The following JAG2 variants were observed in gnomAD, a reference collection of about 807,000 sequenced individuals.
JAG2 encodes protein jagged-2.
In JAG2, 46 loss-of-function variants were observed where a neutral mutation model predicts 141.7. The observed-to-expected ratio is 0.32, with a 90% CI of 0.26 to 0.42. The LOEUF (loss-of-function observed/expected upper bound fraction) is 0.42, where lower values mean the gene tolerates loss of function less well. Among genes scored for constraint, JAG2 ranks in the 10% least tolerant of loss-of-function variants. The probability of loss-of-function intolerance (pLI) is 1.00; values close to 1 mark genes in which losing one functional copy is unlikely to be tolerated. For missense variants in JAG2, 1,500 were observed against 1,817.5 expected (o/e 0.83, Z 3.18); for synonymous variants, 862 against 763.5 (o/e 1.13, Z -2.13).
At chr14:105,153,640 T>C (rs919068680) in intron 5 of JAG2, among the ~76,000 whole-genome samples, 2 of 151,806 alleles carry the variant, frequency 1.3e-5, no homozygotes, top group Non-Finnish European at 2.9e-5. Context: ...CACTGGAACC[T>C]GAGCCGAGGC....
chr14:105,146,582 C>T (rs587757146), intron 21 of JAG2, 29 bp downstream of exon 21: 158 of 1,609,872 alleles, frequency 9.8e-5, no homozygotes, highest in South Asian at 9.8e-4. Context: ...CCAACCCGCC[C>T]CAACCCAGGG....
chr14:105,146,781 G>C (rs141231769), intron 20 of JAG2, 57 bp from the exon 21 acceptor site: 2 of 1,392,908 alleles, frequency 1.4e-6, no homozygotes, highest in Non-Finnish European at 2.0e-6. Flanking sequence ...CCGCAGGACC[G>C]GCATGGCCTA....
At position 105,145,619 on chromosome 14, in the gene JAG2, C is replaced by T. The variant is rs1045581123; in HGVS notation, c.2952+112G>A. On this transcript the variant is annotated intron_variant, in intron 23 of 25. Transcript: ENST00000331782. The stretch of plus-strand genomic sequence containing the variant: ...GGCCACTCTCTGTGACCAAGAGTGA[C>T]TCTGCTCAGCCAACCAGGGCCTCCC... 21 of 1,378,640 alleles carry T rather than the reference C, an allele frequency of 1.5e-5. No homozygotes were observed. The African/African-American group carries it at 2.3e-4, about 15-fold the overall frequency. The allele number at this position is 1,378,640 out of a possible 1,614,324, so 85.4% of individuals were successfully genotyped here.
chr14:105,152,094 G>GC, intron 6 of JAG2, 37 bp from the exon 7 acceptor site: 3 of 1,612,966 alleles, frequency 1.9e-6, no homozygotes, highest in Admixed American at 1.7e-5. Context: ...GGAAAAGCCG[G>GC]CCCCCCGCTC....
intron 2 of JAG2, among the ~76,000 whole-genome samples, chr14:105,166,530 G>A (rs587768282): frequency 1.2e-4 from 18 of 152,344 alleles, no homozygotes; most frequent in African/African-American, 2.4e-4. Context: ...AGGGATACTC[G>A]GCGGGGTGCT....
intron 12 of JAG2, among the ~76,000 whole-genome samples, 171 bp downstream of exon 12, chr14:105,150,433 G>A (rs1010001114): frequency 2.9e-4 from 44 of 152,286 alleles, no homozygotes; most frequent in African/African-American, 1.1e-3. Flanking sequence ...GGTGACCTGT[G>A]ACAGCCCCGC....
intron 12 of JAG2, among the ~76,000 whole-genome samples, chr14:105,150,022 GGGGGGAGGCAGGGTT>G (rs1249869389): frequency 1.8e-5 from 1 of 54,184 alleles, no homozygotes; most frequent in Non-Finnish European, 3.6e-5. Flanking sequence ...TGAGGTGGGT[GGGGGGAGGCAGGGTT>G]GGGGGAGGTG....
chr14:105,149,225 A>G lies in JAG2; in HGVS notation c.1698T>C (p.Phe566=). The change falls in exon 13 of 26, where the codon TTT becomes TTC. Residue 566 remains phenylalanine, a synonymous_variant. Coordinates refer to ENST00000331782, the MANE Select transcript of JAG2 (RefSeq NM_002226.5). ...GGGGCACGGAGCAGTTCTTGCCACC[A>G]AAGTCATCAGGGCAGGCGCAGTAAT... ...GDYYCACPDD[F]GGKNCSVPRE... 6.3e-7 allele frequency: 1 copy of G among 1,580,866 alleles called. No homozygotes were observed. The highest frequency in any genetic ancestry group is 8.6e-7 in the Non-Finnish European group (1 of 1,162,876).
intron 2 of JAG2, among the ~76,000 whole-genome samples, chr14:105,158,034 C>A (rs1187189798): frequency 6.6e-6 from 1 of 152,244 alleles, no homozygotes; most frequent in Non-Finnish European, 1.5e-5. Context: ...GAGGCCCAGC[C>A]TGCCCTGAGC....
At position 105,151,625 on chromosome 14, in the gene JAG2, C is replaced by G. The variant is rs1888434990; in HGVS notation, c.1153+1G>C. 1 of 1,601,944 alleles carries G rather than the reference C, an allele frequency of 6.2e-7. No homozygotes were observed. Among genetic ancestry groups the G allele is most frequent in the Admixed American group, 1.7e-5 (1 of 58,306 alleles). The stretch of plus-strand genomic sequence containing the variant: ...TCCCCTACTCACGTGCAGACACTCA[C>G]CAAGGGCACAGGTGGGCCCGCTCCA... On this transcript the variant is annotated splice_donor_variant, in intron 8 of 25. Transcript: ENST00000331782. LOFTEE classifies it high-confidence loss of function.
intron 5 of JAG2, among the ~76,000 whole-genome samples, chr14:105,153,299 G>A (rs768582405): frequency 3.3e-5 from 5 of 152,248 alleles, no homozygotes; most frequent in Admixed American, 6.5e-5. Context: ...ACTGAGGCCG[G>A]GAAGAACGTG....
chr14:105,162,305 C>G (rs587756185), intron 2 of JAG2, among the ~76,000 whole-genome samples: 1 of 152,170 alleles, frequency 6.6e-6, no homozygotes, highest in Non-Finnish European at 1.5e-5. Context: ...ACAAGCAGAC[C>G]CGCAGCCCAA....
intron 2 of JAG2, 132 bp from the exon 3 acceptor site, chr14:105,157,895 A>C (rs1888626821): frequency 1.2e-6 from 1 of 801,574 alleles, no homozygotes; most frequent in African/African-American, 1.7e-5. Context: ...CCAGCCAGGG[A>C]CCCACCACCC....
In JAG2 at chr14:105,148,874, G is replaced by A. The variant is rs1443237573; in HGVS notation, c.1907-16C>T. 2 of 1,587,712 alleles carry A rather than the reference G, an allele frequency of 1.3e-6. No homozygotes were observed. Among genetic ancestry groups the A allele is most frequent in the East Asian group, 2.3e-5 (1 of 43,486 alleles). On this transcript the variant is annotated splice_polypyrimidine_tract_variant and intron_variant, in intron 14 of 25. Coordinates refer to ENST00000331782, the MANE Select transcript of JAG2 (RefSeq NM_002226.5). ...TCGTCAATGTCTGCAGAGGCGAGCG[G>A]GGTGAGCCAGGGCCTCAGGCCAGCC...
At chr14:105,163,335 G>A (rs1209669042) in intron 2 of JAG2, among the ~76,000 whole-genome samples, 1 of 152,074 alleles carries the variant, frequency 6.6e-6, no homozygotes, top group African/African-American at 2.4e-5. Flanking sequence ...CCCATCCCAC[G>A]CAGGAACACA....
At chr14:105,145,161 G>T in intron 23 of JAG2, 100 bp from the exon 24 acceptor site, 2 of 1,506,014 alleles carry the variant, frequency 1.3e-6, no homozygotes, top group Non-Finnish European at 1.8e-6. Context: ...ACACCCTACA[G>T]CCCGCCCAGG....
In JAG2 at chr14:105,149,103, TAC is replaced by T. The variant is rs1448124122; in HGVS notation, c.1754-16_1754-15del. 1 of 1,605,614 alleles carries T rather than the reference TAC, an allele frequency of 6.2e-7. No individual in the cohort carries two copies. Among genetic ancestry groups the T allele is most frequent in the African/African-American group, 1.3e-5 (1 of 74,690 alleles). On this transcript the variant is annotated splice_polypyrimidine_tract_variant and intron_variant, in intron 13 of 25. Coordinates refer to ENST00000331782, the MANE Select transcript of JAG2 (RefSeq NM_002226.5). ...AGCCATCGATCACTATGGCAGGCAG[TAC>T]AGTCAGGAGTCAGGCCCGCCCCTGC...
At chr14:105,163,546 C>T (rs889040138) in intron 2 of JAG2, among the ~76,000 whole-genome samples, 5 of 151,836 alleles carry the variant, frequency 3.3e-5, no homozygotes, top group African/African-American at 1.2e-4. Context: ...ATAGGAATCC[C>T]GCTCAGGCCT....
rs1888079425 is a variant in JAG2 at position 105,142,241 on chromosome 14, G to A, written c.*454C>T. On this transcript the variant is annotated 3_prime_UTR_variant, in exon 26 of 26. Transcript: ENST00000331782. ...GCCACGAGTCCCACCGACAGCCACA[G>A]GCCACACCATCAGCCACGGGTCCCA... 5.9e-6 allele frequency: 1 copy of A among 169,432 alleles called. No individual in the cohort carries two copies. Among genetic ancestry groups the A allele is most frequent in the Non-Finnish European group, 1.3e-5 (1 of 79,102 alleles). 10.5% of individuals were successfully genotyped at this position (169,432 alleles called of 1,614,324 possible). A position where few individuals can be genotyped will look rare whatever the true frequency, so the allele number is the denominator to read the frequency against.
Sources: gnomAD v4.1 joint callset for allele counts (sites outside exome capture counted in the v4.1 genomes callset) on GRCh38, gnomAD v4.1.1 for gene constraint, MANE v1.5 for transcripts, NCBI Gene and HGNC (gene_info 2026-07-23, HGNC 2026-07-21) for gene names.